Variants in CFAP20DC observed in about 807,000 individuals in gnomAD.
CFAP20DC encodes CFAP20 domain containing, also known as protein CFAP20DC.
In CFAP20DC, 84 loss-of-function variants were observed where a neutral mutation model predicts 101.7. That is an observed-to-expected ratio of 0.83 (90% CI 0.69 to 0.99). The LOEUF (loss-of-function observed/expected upper bound fraction) is 0.99. Among genes scored for constraint, CFAP20DC ranks in the 50% least tolerant of loss-of-function variants. The pLI is 0.00. For synonymous variants in CFAP20DC, 359 were observed against 351.2 expected, an observed-to-expected ratio of 1.02 and a Z score of -0.25; for missense variants, 1,007 against 970.3, an observed-to-expected ratio of 1.04 and a Z score of -0.50.
At position 58,999,434 on chromosome 3, in the gene CFAP20DC, T is replaced by C. The variant is rs2093241629; in HGVS notation, c.278+40123A>G. Among the ~76,000 whole-genome samples, 3 of 152,192 alleles carry C rather than the reference T, an allele frequency of 2.0e-5. No individual in the cohort carries two copies. The South Asian group carries it at 6.2e-4, about 32-fold the overall frequency. ...TGAGTAACAGGAGACCTTCACTGACTATCTGAATGTAACAAGAGTCACATA... is the reference window on the plus strand; with the variant it reads ...TGAGTAACAGGAGACCTTCACTGACCATCTGAATGTAACAAGAGTCACATA... On this transcript the variant is annotated intron_variant, in intron 4 of 16. Transcript: ENST00000482387.
intron 14 of CFAP20DC, among the ~76,000 whole-genome samples, chr3:58,807,855 A>G (rs540320707): frequency 3.2e-4 from 48 of 152,356 alleles, no homozygotes; most frequent in Non-Finnish European, 6.2e-4. Context: ...TAACCAATAC[A>G]GAGAAGTGCT....
At position 58,863,434 on chromosome 3, in the gene CFAP20DC, C is replaced by A. The variant is rs2079412711; in HGVS notation, c.1593+124G>T. 3 of 1,477,672 alleles carry A rather than the reference C, an allele frequency of 2.0e-6. No individual in the cohort carries two copies. Among genetic ancestry groups the A allele is most frequent in the Non-Finnish European group, 1.8e-6 (2 of 1,117,874 alleles). The allele number at this position is 1,477,672 out of a possible 1,614,324, so 91.5% of individuals were successfully genotyped here. ...CTGATGCAACTGTGGACTGACATGG[C>A]AATCTGTTGCATTTTTATAAATAGC... On this transcript the variant is annotated intron_variant, in intron 12 of 16. Coordinates refer to ENST00000482387, the MANE Select transcript of CFAP20DC (RefSeq NM_001394063.1). The surrounding 1 kb of genome is among the most constrained non-coding windows in gnomAD (Gnocchi z 5.9).
At chr3:58,777,371 C>T (rs991025120) in intron 15 of CFAP20DC, among the ~76,000 whole-genome samples, 1 of 152,188 alleles carries the variant, frequency 6.6e-6, no homozygotes, top group Non-Finnish European at 1.5e-5. Flanking sequence ...ACCTTGGGCA[C>T]ATGTTGTCAG....
intron 5 of CFAP20DC, among the ~76,000 whole-genome samples, chr3:58,919,497 T>C (rs1238995125): frequency 6.6e-6 from 1 of 152,230 alleles, no homozygotes; most frequent in African/African-American, 2.4e-5. Flanking sequence ...CTTTTGACTT[T>C]CCATATAAAT....
rs2079888238 is a variant in CFAP20DC, at chr3:58,868,618, C to CA, written c.1016-683dup. On this transcript the variant is annotated intron_variant, in intron 9 of 16. Coordinates refer to ENST00000482387, the MANE Select transcript of CFAP20DC (RefSeq NM_001394063.1). The surrounding 1 kb of genome is among the most constrained non-coding windows in gnomAD (Gnocchi z 4.6). ...AGAAACTTGATCAAGGCCTCACTGA[C>CA]AGGCAGCTAGGGCTGGATTTCTATC... Among the ~76,000 whole-genome samples the CA allele has an allele frequency of 2.0e-5, 3 of 152,162 alleles. No homozygotes were observed. Among genetic ancestry groups the CA allele is most frequent in the African/African-American group, 7.2e-5 (3 of 41,448 alleles).
chr3:58,827,347 C>G (rs192147807), intron 14 of CFAP20DC, among the ~76,000 whole-genome samples: 1 of 146,338 alleles, frequency 6.8e-6, no homozygotes, highest in East Asian at 2.0e-4. Context: ...GATCTGAACA[C>G]AGGGCATGGC....
intron 14 of CFAP20DC, among the ~76,000 whole-genome samples, chr3:58,815,875 G>A (rs2075083148): frequency 6.6e-6 from 1 of 151,222 alleles, no homozygotes; most frequent in Admixed American, 6.6e-5. Flanking sequence ...TGCTGGAGAG[G>A]ATGTGGAGAA....
intron 15 of CFAP20DC, among the ~76,000 whole-genome samples, chr3:58,784,561 C>G (rs1411082363): frequency 6.6e-6 from 1 of 151,988 alleles, no homozygotes; most frequent in Non-Finnish European, 1.5e-5. Flanking sequence ...TTTATTCAGT[C>G]CACTGTTCAT....
chr3:58,770,516 G>A (rs2070746090), intron 15 of CFAP20DC, among the ~76,000 whole-genome samples: 1 of 152,192 alleles, frequency 6.6e-6, no homozygotes, highest in Admixed American at 6.5e-5. Flanking sequence ...AGGCTTTCTA[G>A]CAAAAGTCAT....
intron 14 of CFAP20DC, among the ~76,000 whole-genome samples, chr3:58,815,188 C>A (rs2075012681): frequency 6.6e-6 from 1 of 151,650 alleles, no homozygotes; most frequent in African/African-American, 2.4e-5. Context: ...GAACACAGCC[C>A]TCAGAAATAA....
intron 15 of CFAP20DC, among the ~76,000 whole-genome samples, chr3:58,792,709 T>G (rs528232822): frequency 2.8e-4 from 42 of 151,722 alleles, no homozygotes; most frequent in Non-Finnish European, 5.5e-4. Flanking sequence ...TGTGACAAAA[T>G]ATAGTTGTTT....
In CFAP20DC at chr3:58,957,540, A is replaced by G. The variant is rs796961621; in HGVS notation, c.279-19778T>C. On this transcript the variant is annotated intron_variant, in intron 4 of 16. Transcript: ENST00000482387. The stretch of plus-strand genomic sequence containing the variant: ...GAAGGGAAATCAGTATATCAAAGAG[A>G]TATCTGAACTCCCGTGTATGTTGCA... 7.9e-5 allele frequency among the ~76,000 whole-genome samples: 12 copies of G among 152,298 alleles called. No individual in the cohort carries two copies. In the South Asian group the frequency reaches 2.3e-3, roughly 29 times the overall value.
At chr3:59,045,219 T>C (rs1699753516) in intron 3 of CFAP20DC, among the ~76,000 whole-genome samples, 1 of 152,026 alleles carries the variant, frequency 6.6e-6, no homozygotes, top group Non-Finnish European at 1.5e-5. Flanking sequence ...ATGCATGTAG[T>C]AGCTTGAAAT....
chr3:59,018,647 C>T (rs1202203647), intron 4 of CFAP20DC: 2 of 152,062 alleles, frequency 1.3e-5, no homozygotes, highest in Admixed American at 1.3e-4. Flanking sequence ...AGCAGTGTCA[C>T]TGATGTGAAA....
intron 4 of CFAP20DC, among the ~76,000 whole-genome samples, chr3:58,941,244 G>A (rs1318077858): frequency 2.1e-5 from 3 of 144,138 alleles, no homozygotes; most frequent in African/African-American, 5.1e-5. Context: ...CAGGAGAATC[G>A]CTTGAACCCG....
intron 15 of CFAP20DC, among the ~76,000 whole-genome samples, chr3:58,798,746 G>C (rs1270595601): frequency 1.3e-5 from 2 of 152,184 alleles, no homozygotes; most frequent in Non-Finnish European, 2.9e-5. Flanking sequence ...GAAACTGCCA[G>C]AGCCACCCCA....
At chr3:58,939,923 T>C (rs1576404465) in intron 4 of CFAP20DC, among the ~76,000 whole-genome samples, 1 of 152,026 alleles carries the variant, frequency 6.6e-6, no homozygotes, top group East Asian at 1.9e-4. Context: ...CGTGACATTA[T>C]GCCCAGCTAA....
chr3:58,886,998 T>C (rs908486401), intron 6 of CFAP20DC, among the ~76,000 whole-genome samples: 1 of 152,142 alleles, frequency 6.6e-6, no homozygotes, highest in African/African-American at 2.4e-5. Flanking sequence ...TAAAAGCAAA[T>C]AGAAGAGGTT....
chr3:59,042,437 G>A (rs188127132), intron 3 of CFAP20DC, among the ~76,000 whole-genome samples: 1,784 of 152,030 alleles, frequency 0.012, 34 homozygotes, highest in African/African-American at 0.041. Flanking sequence ...GTCTATTCTC[G>A]GGGGTAAATG....
Sources: gnomAD v4.1 joint callset for allele counts (sites outside exome capture counted in the v4.1 genomes callset) on GRCh38, gnomAD v4.1.1 for gene constraint, Gnocchi (gnomAD v3.1) non-coding constraint, MANE v1.5 for transcripts, NCBI Gene and HGNC (gene_info 2026-07-23, HGNC 2026-07-21) for gene names.